TMEFF1: variants seen among roughly 807,000 people sequenced by gnomAD.
TMEFF1 encodes tomoregulin-1.
A neutral mutation model predicts 47.5 loss-of-function variants in TMEFF1; 20 were observed. The ratio of observed to expected loss-of-function variants is 0.42; its 90% CI spans 0.30 to 0.61. TMEFF1 has a LOEUF of 0.61. Ranked by LOEUF, TMEFF1 falls within the 20% of genes least tolerant of loss-of-function variation. The pLI is 0.19. For synonymous variants in TMEFF1, 162 were observed against 166.3 expected, an observed-to-expected ratio of 0.97 and a Z score of 0.20; for missense variants, 411 against 471.1, an observed-to-expected ratio of 0.87 and a Z score of 1.18.
chr9:100,480,104 A>G (rs1017710694), intron 1 of TMEFF1, among the ~76,000 whole-genome samples: 8 of 151,930 alleles, frequency 5.3e-5, no homozygotes, highest in Admixed American at 6.6e-5. Flanking sequence ...TTTTATTTGT[A>G]TTTTCCTAAT....
rs779640747 is a variant in TMEFF1 at position 100,509,082 on chromosome 9, T to C, written c.384T>C (p.Ala128=). The C allele has an allele frequency of 6.2e-7, 1 of 1,600,298 alleles. No homozygotes were observed. The highest frequency in any genetic ancestry group is 2.3e-5 in the East Asian group (1 of 43,830). Residue 128 remains alanine (A), a synonymous_variant, in exon 3 of 10, where the codon GCT becomes GCC. Transcript: ENST00000374879. The part of the protein sequence containing the change: ...YQNECFLRRA[A]CKHQKEITVI... ...ATGAATGCTTTCTCAGAAGGGCTGC[T>C]TGTAAGCACCAGAAAGAGATAACAG...
chr9:100,518,398 CT>C, intron 5 of TMEFF1: 1 of 981,118 alleles, frequency 1.0e-6, no homozygotes, highest in Non-Finnish European at 1.2e-6. Flanking sequence ...TATCTGAGAG[CT>C]TGCCACCACT....
At position 100,538,468 on chromosome 9, in the gene TMEFF1, G is replaced by C. The variant is rs145790606; in HGVS notation, c.561-9276G>C. 2.0e-3 allele frequency among the ~76,000 whole-genome samples: 300 copies of C among 152,324 alleles called. 3 individuals carry two copies. Among genetic ancestry groups the C allele is most frequent in the African/African-American group, 7.0e-3 (290 of 41,568 alleles). On this transcript the variant is annotated intron_variant, in intron 5 of 9. Transcript: ENST00000374879. ...TGCTCAAAGCCCTGCAGTCGGCCCT[G>C]AGGATATGGAAGGCAGACTGTACTT... is the stretch of plus-strand genomic sequence containing the variant.
chr9:100,548,171 A>G (rs781288035), intron 6 of TMEFF1, among the ~76,000 whole-genome samples: 1 of 152,096 alleles, frequency 6.6e-6, no homozygotes, highest in Non-Finnish European at 1.5e-5. Flanking sequence ...TATAGTTCTA[A>G]TATCATCTCA....
intron 6 of TMEFF1, among the ~76,000 whole-genome samples, chr9:100,548,568 C>T (rs1232599414): frequency 6.6e-6 from 1 of 152,122 alleles, no homozygotes; most frequent in Non-Finnish European, 1.5e-5. Flanking sequence ...TGGATTATTT[C>T]CTCAGTCACA....
At chr9:100,533,138 A>G (rs924976898) in intron 5 of TMEFF1, among the ~76,000 whole-genome samples, 12 of 151,376 alleles carry the variant, frequency 7.9e-5, no homozygotes, top group African/African-American at 2.9e-4. Flanking sequence ...ACCTAATGCT[A>G]GATGACGATT....
intron 9 of TMEFF1, among the ~76,000 whole-genome samples, chr9:100,574,981 G>A (rs894969219): frequency 2.0e-5 from 3 of 152,198 alleles, no homozygotes; most frequent in Non-Finnish European, 4.4e-5. Context: ...ATGTCACAGT[G>A]TCTTTACTGC....
At chr9:100,552,863 G>GA (rs71356303) in intron 7 of TMEFF1, among the ~76,000 whole-genome samples, 8,361 of 133,578 alleles carry the variant, frequency 0.063, 377 homozygotes, top group African/African-American at 0.13. Flanking sequence ...CACTGTTTTG[G>GA]AAAAAAAAAA....
At chr9:100,550,726 A>T (rs569989698) in intron 7 of TMEFF1, among the ~76,000 whole-genome samples, 320 of 152,270 alleles carry the variant, frequency 2.1e-3, no homozygotes, top group Non-Finnish European at 3.4e-3. Context: ...CTAGGCTATG[A>T]GTTCTGTGAG....
rs780822925 is a variant in TMEFF1, at chr9:100,516,690, G to T, written c.479G>T (p.Gly160Val). Residue 160 changes from glycine (G) to valine (V), a missense_variant, in exon 5 of 10, where the codon GGG becomes GTG. Coordinates refer to ENST00000374879, the MANE Select transcript of TMEFF1 (RefSeq NM_003692.5). ...GSGEGEEEGS[G>V]AEVHRKHSKC... is the part of the protein sequence containing the mutation. ...TTTTAAACAGAAGAGGAAGGGTCAGGGGCAGAAGTTCACAGAAAACACTCC... is the reference window on the plus strand; with the variant it reads ...TTTTAAACAGAAGAGGAAGGGTCAGTGGCAGAAGTTCACAGAAAACACTCC... 3 of 1,613,292 alleles carry T rather than the reference G, an allele frequency of 1.9e-6. No homozygotes were observed. In the South Asian group the frequency reaches 3.3e-5, roughly 18 times the overall value.
intron 4 of TMEFF1, among the ~76,000 whole-genome samples, chr9:100,513,645 C>T (rs1838008673): frequency 6.6e-5 from 10 of 152,136 alleles, no homozygotes. Flanking sequence ...TTGTTTCTTG[C>T]ATTTTTCTCT....
chr9:100,479,059 G>A (rs570966632), intron 1 of TMEFF1, among the ~76,000 whole-genome samples: 1 of 152,200 alleles, frequency 6.6e-6, no homozygotes, highest in South Asian at 2.1e-4. Context: ...TGCCTTATTT[G>A]TGGCAATTCA....
At chr9:100,508,925 T>G in intron 2 of TMEFF1, 80 bp from the exon 3 acceptor site, 1 of 1,366,434 alleles carries the variant, frequency 7.3e-7, no homozygotes, top group Non-Finnish European at 9.5e-7. Context: ...CATAATGCTA[T>G]GGTATTGCAT....
intron 1 of TMEFF1, among the ~76,000 whole-genome samples, chr9:100,479,832 A>G (rs944696111): frequency 1.1e-4 from 17 of 152,208 alleles, no homozygotes; most frequent in African/African-American, 4.1e-4. Context: ...TGTAACATTC[A>G]TGGACAAGTT....
chr9:100,531,573 C>CAATAA (rs1185611474), intron 5 of TMEFF1, among the ~76,000 whole-genome samples: 1 of 151,976 alleles, frequency 6.6e-6, no homozygotes, highest in African/African-American at 2.4e-5. Context: ...AACCACTGCT[C>CAATAA]AATAAAATAA....
chr9:100,550,209 C>T, intron 7 of TMEFF1, 49 bp downstream of exon 7: 1 of 1,580,964 alleles, frequency 6.3e-7, no homozygotes, highest in Non-Finnish European at 8.6e-7. Context: ...GAAATACGGT[C>T]ACTAGCTGTC....
chr9:100,521,344 G>A (rs974515154), intron 5 of TMEFF1, among the ~76,000 whole-genome samples: 10 of 152,034 alleles, frequency 6.6e-5, no homozygotes, highest in Non-Finnish European at 1.5e-4. Context: ...AGTTATGTTC[G>A]TTAATGCTTA....
chr9:100,520,044 T>G (rs948603508), intron 5 of TMEFF1, among the ~76,000 whole-genome samples: 2 of 152,216 alleles, frequency 1.3e-5, no homozygotes, highest in African/African-American at 4.8e-5. Flanking sequence ...TAAATTGACT[T>G]CATAATCCAC....
intron 7 of TMEFF1, among the ~76,000 whole-genome samples, chr9:100,555,858 T>A (rs1005563556): frequency 6.6e-6 from 1 of 152,180 alleles, no homozygotes; most frequent in Non-Finnish European, 1.5e-5. Context: ...TGCTTTCACA[T>A]ATTTATGTTA....
Sources: gnomAD v4.1 joint callset for allele counts (sites outside exome capture counted in the v4.1 genomes callset) on GRCh38, gnomAD v4.1.1 for gene constraint, MANE v1.5 for transcripts, NCBI Gene and HGNC (gene_info 2026-07-23, HGNC 2026-07-21) for gene names.